The following TMEM26 variants were observed in gnomAD, a reference collection of about 807,000 sequenced individuals.
The protein encoded by TMEM26 is transmembrane protein 26.
TMEM26 carries 38 observed loss-of-function variants against 28.8 expected under a neutral mutation model. The ratio of observed to expected loss-of-function variants is 1.32; its 90% CI spans 1.02 to 1.73. The LOEUF is 1.73. Among genes scored for constraint, TMEM26 ranks in the 40% most tolerant of loss-of-function variants. The probability of loss-of-function intolerance (pLI) is 0.00; values close to 1 mark genes in which losing one functional copy is unlikely to be tolerated. For synonymous variants in TMEM26, 227 were observed against 182.9 expected (o/e 1.24, Z -1.95); for missense variants, 518 against 447.1 (o/e 1.16, Z -1.43).
At chr10:61,448,141 G>T (rs1840216397) in intron 1 of TMEM26, among the ~76,000 whole-genome samples, 1 of 152,370 alleles carries the variant, frequency 6.6e-6, no homozygotes, top group Middle Eastern at 3.4e-3. Flanking sequence ...AACTACTCAA[G>T]GTTGTCTAAT....
rs1459386139 is a variant in TMEM26, at chr10:61,453,033, G to A, written c.49C>T (p.Leu17=). 1 of 1,613,856 alleles carries A rather than the reference G, an allele frequency of 6.2e-7. No homozygotes were observed. The stretch of plus-strand genomic sequence containing the variant: ...CAGACCCCGACCAGCGAGTGCAGCA[G>A]GAACAGCAACCGAGTGGCCAGGGCG... ...LNALATRLLF[L]LHSLVGVWRV... Residue 17 remains leucine, a synonymous_variant, in exon 1 of 6, where the codon CTG becomes TTG. Transcript: ENST00000399298.
intron 4 of TMEM26, among the ~76,000 whole-genome samples, chr10:61,422,095 C>T (rs1386498416): frequency 6.6e-6 from 1 of 152,030 alleles, no homozygotes; most frequent in Non-Finnish European, 1.5e-5. Flanking sequence ...AATGTTACTA[C>T]ATTGGAAATA....
chr10:61,415,721 G>T (rs945365347), intron 4 of TMEM26, among the ~76,000 whole-genome samples: 2 of 152,122 alleles, frequency 1.3e-5, no homozygotes, highest in Non-Finnish European at 2.9e-5. Context: ...TTTTAGGTCT[G>T]CTCTATTCTA....
chr10:61,440,954 T>A (rs1262224892), intron 1 of TMEM26, among the ~76,000 whole-genome samples: 1 of 152,240 alleles, frequency 6.6e-6, no homozygotes, highest in Non-Finnish European at 1.5e-5. Context: ...ATATCCTCCC[T>A]ATGCTTTAAA....
In TMEM26 at chr10:61,410,495, G is replaced by A. The variant is rs200476924; in HGVS notation, c.934C>T (p.Arg312Cys). The A allele has an allele frequency of 2.0e-5, 33 of 1,613,942 alleles. No individual in the cohort carries two copies. The highest frequency in any genetic ancestry group is 2.7e-5 in the Non-Finnish European group (32 of 1,180,016). Residue 312 changes from arginine to cysteine, a missense_variant, in exon 6 of 6, where the codon CGT becomes TGT. Transcript: ENST00000399298. ...YRLVVLALAV[R>C]ASLRSQSEGL... ...TCTGACTGACTTCTCAACGAAGCAC[G>A]GACTGCCAATGCCAGCACCACCAAG...
intron 1 of TMEM26, among the ~76,000 whole-genome samples, chr10:61,437,189 C>G (rs1474594044): frequency 1.3e-5 from 2 of 152,118 alleles, no homozygotes; most frequent in Non-Finnish European, 2.9e-5. Context: ...TATAAAGCCT[C>G]CAGTTTTATT....
intron 2 of TMEM26, among the ~76,000 whole-genome samples, chr10:61,434,007 T>C (rs1455676654): frequency 2.6e-5 from 4 of 152,264 alleles, no homozygotes; most frequent in Admixed American, 2.0e-4. Flanking sequence ...TGTGAAAACA[T>C]TTGTGAAAGT....
chr10:61,410,936 C>T (rs537459013), intron 5 of TMEM26, among the ~76,000 whole-genome samples, 190 bp from the exon 6 acceptor site: 8 of 152,270 alleles, frequency 5.3e-5, no homozygotes, highest in Non-Finnish European at 8.8e-5. Flanking sequence ...GCACCCTGCC[C>T]TGTGACTCGC....
intron 1 of TMEM26, among the ~76,000 whole-genome samples, chr10:61,437,268 ATTTGGGG>A (rs1020706288): frequency 6.6e-6 from 1 of 152,120 alleles, no homozygotes; most frequent in African/African-American, 2.4e-5. Flanking sequence ...ATATTGTCAC[ATTTGGGG>A]TTAGGACTTC....
chr10:61,447,425 G>A (rs1197286116), intron 1 of TMEM26, among the ~76,000 whole-genome samples: 4 of 152,160 alleles, frequency 2.6e-5, no homozygotes, highest in Admixed American at 6.5e-5. Context: ...CTTTTCAAAT[G>A]CAATTGAGTG....
chr10:61,443,296 CAAAAAAA>C lies in TMEM26; in HGVS notation c.192-7055_192-7049del, dbSNP rs536125967. On this transcript the variant is annotated intron_variant, in intron 1 of 5. Transcript: ENST00000399298. ...TGAAACCTGTCTCTACTAAAAATAC[CAAAAAAA>C]AAAAAAAAAAAATTAGCCGGTTGTG... is the stretch of plus-strand genomic sequence containing the variant. Among the ~76,000 whole-genome samples, 643 of 117,234 alleles carry C rather than the reference CAAAAAAA, an allele frequency of 5.5e-3. 9 individuals carry two copies. The highest frequency in any genetic ancestry group is 0.018 in the African/African-American group (594 of 33,760). 76.9% of individuals were successfully genotyped at this position (117,234 alleles called of 152,430 possible).
At position 61,429,015 on chromosome 10, in the gene TMEM26, A is replaced by G. The variant is rs1290000317; in HGVS notation, c.516T>C (p.Asp172=). 6.2e-7 allele frequency: 1 copy of G among 1,613,340 alleles called. No homozygotes were observed. Among genetic ancestry groups the G allele is most frequent in the South Asian group, 1.1e-5 (1 of 91,068 alleles). ...ACATAAGAAGAAGTTGAGAGAGTTG[A>G]TCTCGAGTGATCCCGCCTCCAATGG... ...LLPIGGGITR[D]QLSQLLLMFV... is the part of the protein sequence containing the mutation. The change falls in exon 4 of 6, where the codon GAT becomes GAC. Residue 172 remains aspartate (D), a synonymous_variant. Transcript: ENST00000399298.
At chr10:61,438,392 G>A (rs1840041430) in intron 1 of TMEM26, among the ~76,000 whole-genome samples, 1 of 152,156 alleles carries the variant, frequency 6.6e-6, no homozygotes, top group Non-Finnish European at 1.5e-5. Context: ...TGAATTCTAG[G>A]TAAGAGGGAC....
chr10:61,449,616 C>G (rs1840243420), intron 1 of TMEM26, among the ~76,000 whole-genome samples: 2 of 152,264 alleles, frequency 1.3e-5, no homozygotes, highest in African/African-American at 4.8e-5. Flanking sequence ...GAACAATACT[C>G]AAAGTAGCCC....
Position 61,408,931 on chromosome 10 carries a change from G to A in TMEM26, c.*1391C>T, listed in dbSNP as rs535653988. ...GTATCATGTCACCCAGAGAGTTACAGATAAAATTGTCCCAACTGGTTGTCA... is the reference window on the plus strand; with the variant it reads ...GTATCATGTCACCCAGAGAGTTACAAATAAAATTGTCCCAACTGGTTGTCA... On this transcript the variant is annotated 3_prime_UTR_variant, in exon 6 of 6. Transcript: ENST00000399298. The A allele has an allele frequency of 5.9e-5, 9 of 152,290 alleles. No homozygotes were observed. The South Asian group carries it at 1.9e-3, about 32-fold the overall frequency. 9.4% of individuals were successfully genotyped at this position (152,290 alleles called of 1,614,324 possible).
At chr10:61,433,219 C>G (rs1839950695) in intron 2 of TMEM26, among the ~76,000 whole-genome samples, 1 of 152,108 alleles carries the variant, frequency 6.6e-6, no homozygotes, top group South Asian at 2.1e-4. Context: ...ATCTGAGTTG[C>G]TCTCCGCTCT....
chr10:61,433,189 A>C (rs766578394), intron 2 of TMEM26, among the ~76,000 whole-genome samples: 1 of 152,276 alleles, frequency 6.6e-6, no homozygotes, highest in African/African-American at 2.4e-5. Context: ...TTCATAGTCC[A>C]TATTATGGTA....
At position 61,441,625 on chromosome 10, in the gene TMEM26, C is replaced by T. The variant is rs117822258; in HGVS notation, c.192-5377G>A. ...GCCAACTAACAAATCATTTATATCA[C>T]GTTTCTGGATAACTGTTTATAAACA... On this transcript the variant is annotated intron_variant, in intron 1 of 5. Transcript: ENST00000399298. 2.8e-3 allele frequency among the ~76,000 whole-genome samples: 430 copies of T among 152,224 alleles called. 3 individuals are homozygous for T. Among genetic ancestry groups the T allele is most frequent in the Middle Eastern group, 6.8e-3 (2 of 294 alleles).
intron 1 of TMEM26, among the ~76,000 whole-genome samples, chr10:61,441,188 C>A (rs1840087042): frequency 6.6e-6 from 1 of 152,138 alleles, no homozygotes; most frequent in African/African-American, 2.4e-5. Context: ...TCCAGAGTAT[C>A]TGGCATGTGA....
Sources: allele counts gnomAD v4.1 joint callset (sites outside exome capture counted in the v4.1 genomes callset), GRCh38; gene constraint gnomAD v4.1.1; transcripts MANE v1.5; gene names NCBI Gene and HGNC (gene_info 2026-07-23, HGNC 2026-07-21).